The following EPB41L1 variants were observed in gnomAD, a reference collection of about 807,000 sequenced individuals.
EPB41L1 encodes the protein band 4.1-like protein 1.
A neutral mutation model predicts 97.8 loss-of-function variants in EPB41L1; 29 were observed. The ratio of observed to expected loss-of-function variants is 0.30; its 90% CI spans 0.22 to 0.40. The LOEUF is 0.40. Among genes scored for constraint, EPB41L1 ranks in the 10% least tolerant of loss-of-function variants. EPB41L1 has a pLI of 1.00. For missense variants in EPB41L1, 812 were observed against 1,162.3 expected (o/e 0.70, Z 4.38); for synonymous variants, 383 against 459.2 (o/e 0.83, Z 2.12).
At chr20:36,144,025 G>A (rs1040436446) in intron 2 of EPB41L1, among the ~76,000 whole-genome samples, 2 of 151,876 alleles carry the variant, frequency 1.3e-5, no homozygotes, top group African/African-American at 4.8e-5. Context: ...GCTAATTTTT[G>A]TATTTTTAGT....
In EPB41L1 at chr20:36,221,947, A is replaced by G; in HGVS notation, c.2520+3A>G. On this transcript the variant is annotated splice_donor_region_variant and intron_variant, in intron 20 of 21. Coordinates refer to ENST00000338074, the MANE Select transcript of EPB41L1 (RefSeq NM_012156.2). ...ATGAAGATGTCGATCAAGACCAGGTATGGGGGTAGCAACCGTTCTTCCCAG... is the reference window on the plus strand; with the variant it reads ...ATGAAGATGTCGATCAAGACCAGGTGTGGGGGTAGCAACCGTTCTTCCCAG... 1.9e-6 allele frequency: 3 copies of G among 1,614,142 alleles called. No individual in the cohort carries two copies. Among genetic ancestry groups the G allele is most frequent in the Non-Finnish European group, 1.7e-6 (2 of 1,179,980 alleles).
At position 36,207,921 on chromosome 20, in the gene EPB41L1, G is replaced by A. The variant is rs1379734531; in HGVS notation, c.1669-1567G>A. 2.0e-6 allele frequency: 2 copies of A among 992,450 alleles called. No individual in the cohort carries two copies. Among genetic ancestry groups the A allele is most frequent in the Non-Finnish European group, 2.6e-6 (2 of 760,196 alleles). 61.5% of individuals were successfully genotyped at this position (992,450 alleles called of 1,614,324 possible). On this transcript the variant is annotated intron_variant, in intron 14 of 21. Coordinates refer to ENST00000338074, the MANE Select transcript of EPB41L1 (RefSeq NM_012156.2). This position sits in a 1 kb window ranked among gnomAD's most constrained non-coding sequence, Gnocchi z 4.9. The stretch of plus-strand genomic sequence containing the variant: ...AGAGGCTGCTTATCCATCCCTGTGA[G>A]TTTTTTCCCTAAACGGGCCTGGGTG...
intron 3 of EPB41L1, 23 bp from the exon 4 acceptor site, chr20:36,177,929 A>G: frequency 3.1e-6 from 5 of 1,602,266 alleles, no homozygotes; most frequent in Non-Finnish European, 3.4e-6. Context: ...TCAGCCTCAT[A>G]GCTGCTCTGC....
intron 5 of EPB41L1, among the ~76,000 whole-genome samples, chr20:36,179,606 G>T (rs963456760): frequency 6.6e-6 from 1 of 152,234 alleles, no homozygotes; most frequent in East Asian, 1.9e-4. Context: ...GCCTCAGCAA[G>T]GCAGCCTGAG....
Position 36,230,059 on chromosome 20 carries a change from C to A in EPB41L1, c.*719C>A, listed in dbSNP as rs1336702636. On this transcript the variant is annotated 3_prime_UTR_variant, in exon 22 of 22. Transcript: ENST00000338074. ...TGCTGTCATTTTCTGTCTCGGCTCC[C>A]TCCTCCCCCTTCCCCCTTCCCCCAC... 1 of 152,266 alleles carries A rather than the reference C, an allele frequency of 6.6e-6. No individual in the cohort carries two copies. 9.4% of individuals were successfully genotyped at this position (152,266 alleles called of 1,614,324 possible). A position where few individuals can be genotyped will look rare whatever the true frequency, so the allele number is the denominator to read the frequency against.
At chr20:36,129,036 T>A (rs531471562) in intron 2 of EPB41L1, among the ~76,000 whole-genome samples, 3 of 151,790 alleles carry the variant, frequency 2.0e-5, no homozygotes, top group Admixed American at 2.0e-4. Flanking sequence ...TTTGTGCCAA[T>A]GAGATGTGAC....
chr20:36,163,111 C>T (rs1372054781), intron 1 of EPB41L1, among the ~76,000 whole-genome samples: 2 of 151,216 alleles, frequency 1.3e-5, no homozygotes, highest in Non-Finnish European at 1.5e-5. Flanking sequence ...AGAATAAGCC[C>T]TAATAGGCAC....
chr20:36,100,036 C>T (rs1027273663), intron 1 of EPB41L1, among the ~76,000 whole-genome samples: 1 of 152,224 alleles, frequency 6.6e-6, no homozygotes, highest in Non-Finnish European at 1.5e-5. Flanking sequence ...GGTGGGAGGG[C>T]CACCATGCGG....
chr20:36,194,914 A>C (rs191199849), intron 12 of EPB41L1, among the ~76,000 whole-genome samples: 1 of 152,174 alleles, frequency 6.6e-6, no homozygotes, highest in Non-Finnish European at 1.5e-5. Flanking sequence ...CAGATGTGCA[A>C]ACAACATGCA....
chr20:36,114,914 G>A (rs1002993187), intron 2 of EPB41L1, among the ~76,000 whole-genome samples: 2 of 152,108 alleles, frequency 1.3e-5, no homozygotes, highest in African/African-American at 2.4e-5. Flanking sequence ...CGGGGGAGTA[G>A]AAGGCTGTTG....
Position 36,190,163 on chromosome 20 carries a change from G to A in EPB41L1, c.1027-114G>A, listed in dbSNP as rs772742740. 3 of 861,030 alleles carry A rather than the reference G, an allele frequency of 3.5e-6. No individual in the cohort carries two copies. The highest frequency in any genetic ancestry group is 3.4e-5 in the African/African-American group (2 of 59,506). 53.3% of individuals were successfully genotyped at this position (861,030 alleles called of 1,614,324 possible). On this transcript the variant is annotated intron_variant, in intron 9 of 21. Transcript: ENST00000338074. This position sits in a 1 kb window ranked among gnomAD's most constrained non-coding sequence, Gnocchi z 5.8. ...TGTACTCCACCCTGGGCAAATGATC[G>A]AGACCCTGTGTCTCAAAAAAACATT...
chr20:36,183,290 T>C (rs1357648822), intron 6 of EPB41L1, among the ~76,000 whole-genome samples: 1 of 152,190 alleles, frequency 6.6e-6, no homozygotes, highest in African/African-American at 2.4e-5. Context: ...GGGTCCCTCC[T>C]TCATCTTCAT....
At chr20:36,169,371 C>T (rs563231085) in intron 1 of EPB41L1, among the ~76,000 whole-genome samples, 3 of 152,308 alleles carry the variant, frequency 2.0e-5, no homozygotes, top group Admixed American at 6.5e-5. Flanking sequence ...GCCACAGGGC[C>T]GCCTGCTCTA....
Position 36,209,480 on chromosome 20 carries a change from G to T in EPB41L1, c.1669-8G>T, listed in dbSNP as rs771662640. On this transcript the variant is annotated splice_region_variant and splice_polypyrimidine_tract_variant and intron_variant, in intron 14 of 21. Transcript: ENST00000338074. This position sits in a 1 kb window ranked among gnomAD's most constrained non-coding sequence, Gnocchi z 4.2. The stretch of plus-strand genomic sequence containing the variant: ...CATCCCCATTCTTTTGATTTTATCT[G>T]GCCATAGAGAGCAGGGCTGAGGGAG... 3 of 1,613,118 alleles carry T rather than the reference G, an allele frequency of 1.9e-6. No individual in the cohort carries two copies. The highest frequency in any genetic ancestry group is 3.3e-5 in the Admixed American group (2 of 59,954).
chr20:36,170,580 G>A lies in EPB41L1; in HGVS notation c.-14-3184G>A, dbSNP rs147740980. ...GGAATGCAGAGGTGGCTCCTGCCAC[G>A]TCCTTGGTGTCTAGCGTGAACCTGA... On this transcript the variant is annotated intron_variant, in intron 1 of 21. Transcript: ENST00000338074. 8.0e-3 allele frequency among the ~76,000 whole-genome samples: 1,225 copies of A among 152,234 alleles called. 27 individuals carry two copies. Among genetic ancestry groups the A allele is most frequent in the African/African-American group, 0.028 (1,144 of 41,522 alleles).
intron 21 of EPB41L1, among the ~76,000 whole-genome samples, 186 bp from the exon 22 acceptor site, chr20:36,229,146 G>T (rs1157228628): frequency 1.3e-5 from 2 of 152,072 alleles, no homozygotes; most frequent in African/African-American, 4.8e-5. Flanking sequence ...AAGTAGCTGG[G>T]ATTACAGGTG....
In EPB41L1 at chr20:36,188,927, C is replaced by T. The variant is rs2425185; in HGVS notation, c.1026+428C>T. On this transcript the variant is annotated intron_variant, in intron 9 of 21. Transcript: ENST00000338074. ...AAAAAAGAAGAAATATAACTACATA[C>T]ATTCAGGTCACACAGATAAATGAAT... Among the ~76,000 whole-genome samples the T allele has an allele frequency of 5.8e-3, 863 of 149,956 alleles. 13 individuals carry two copies. The highest frequency in any genetic ancestry group is 0.053 in the East Asian group (270 of 5,090).
At chr20:36,103,170 CTTT>C (rs2058071931) in intron 1 of EPB41L1, among the ~76,000 whole-genome samples, 1 of 152,188 alleles carries the variant, frequency 6.6e-6, no homozygotes, top group Non-Finnish European at 1.5e-5. Flanking sequence ...GGGATGAGTT[CTTT>C]TTGGTCTTAG....
At chr20:36,177,666 C>G (rs1026383584) in intron 3 of EPB41L1, among the ~76,000 whole-genome samples, 65 of 152,238 alleles carry the variant, frequency 4.3e-4, no homozygotes, top group African/African-American at 1.4e-3. Context: ...AGAAAGCCGT[C>G]ACTTCCTATG....
Sources: allele counts gnomAD v4.1 joint callset (sites outside exome capture counted in the v4.1 genomes callset), GRCh38; gene constraint gnomAD v4.1.1; non-coding constraint Gnocchi (gnomAD v3.1); transcripts MANE v1.5; gene names NCBI Gene and HGNC (gene_info 2026-07-23, HGNC 2026-07-21).